EWSR1: variants seen among roughly 807,000 people sequenced by gnomAD.
The protein encoded by EWSR1 is RNA-binding protein EWS.
EWSR1 carries 14 observed loss-of-function variants against 92.1 expected under a neutral mutation model. That is an observed-to-expected ratio of 0.15 (90% CI 0.10 to 0.24). EWSR1 has a LOEUF of 0.24. EWSR1 is among the 10% of genes least tolerant of loss of function. The pLI, the probability that EWSR1 is intolerant of heterozygous loss-of-function variation, is 1.00. For missense variants in EWSR1, 637 were observed against 870.9 expected (o/e 0.73, Z 3.38); for synonymous variants, 303 against 292.9 (o/e 1.03, Z -0.35).
intron 3 of EWSR1, among the ~76,000 whole-genome samples, chr22:29,273,196 A>C (rs2058821572): frequency 6.6e-6 from 1 of 152,242 alleles, no homozygotes; most frequent in African/African-American, 2.4e-5. Flanking sequence ...ATAAGAGGAC[A>C]TACAGCGTTC....
chr22:29,294,020 C>G (rs958336776), intron 11 of EWSR1, among the ~76,000 whole-genome samples: 6 of 151,812 alleles, frequency 4.0e-5, no homozygotes, highest in African/African-American at 1.5e-4. Flanking sequence ...AGGCGCCTGC[C>G]AGCACCCCTG....
chr22:29,299,626 G>A lies in EWSR1; in HGVS notation c.1706G>A (p.Gly569Asp). The A allele has an allele frequency of 6.2e-7, 1 of 1,606,724 alleles. No individual in the cohort carries two copies. Among genetic ancestry groups the A allele is most frequent in the African/African-American group, 1.3e-5 (1 of 74,868 alleles). Residue 569 changes from glycine (G) to aspartate (D), a missense_variant, in exon 16 of 17, where the codon GGT (glycine) becomes GAT (aspartate). Physicochemically the swap from Gly to Asp is moderately conservative, Grantham distance 94 (BLOSUM62 -1). This residue lies in a region of EWSR1 where 363 missense variants were observed against 447.8 expected (regional missense o/e 0.81). Coordinates refer to ENST00000397938, the MANE Select transcript of EWSR1 (RefSeq NM_005243.4). ...GGTGATCGTGGCAGAGGTGGCCCTG[G>A]TGGCATGCGGGGAGGAAGAGGTGGC... ...PGGDRGRGGP[G>D]GMRGGRGGLM...
chr22:29,280,073 G>GGGTT lies in EWSR1; in HGVS notation c.413+1878_413+1881dup, dbSNP rs550292686. Among the ~76,000 whole-genome samples, 132 of 152,158 alleles carry GGGTT rather than the reference G, an allele frequency of 8.7e-4. 1 individual carries two copies. The highest frequency in any genetic ancestry group is 6.0e-4 in the African/African-American group (25 of 41,496). On this transcript the variant is annotated intron_variant, in intron 5 of 16. Coordinates refer to ENST00000397938, the MANE Select transcript of EWSR1 (RefSeq NM_005243.4). ...ACTTCACACCCTCTCTGGTTTTTCTGGGTTGGTTGGTTGGTTGGTTGGTTT... is the reference window on the plus strand; with the variant it reads ...ACTTCACACCCTCTCTGGTTTTTCTGGGTTGGTTGGTTGGTTGGTTGGTTGGTTT...
chr22:29,275,055 A>G (rs533950201), intron 4 of EWSR1, among the ~76,000 whole-genome samples: 1 of 17,098 alleles, frequency 5.8e-5, no homozygotes, highest in Non-Finnish European at 1.0e-4. Flanking sequence ...TTTGATGGGA[A>G]GTAATTCCTA....
rs938887067 is a variant in EWSR1, at chr22:29,294,561, C to T, written c.1165-1678C>T. Among the ~76,000 whole-genome samples, 4 of 148,770 alleles carry T rather than the reference C, an allele frequency of 2.7e-5. No individual in the cohort carries two copies. The East Asian group carries it at 6.0e-4, about 22-fold the overall frequency. On this transcript the variant is annotated intron_variant, in intron 11 of 16. Transcript: ENST00000397938. ...CGGAGCTTGCAGTGAGCTGAGATGG[C>T]GCCACTGCATTCCAGCCTGGGTGAC...
chr22:29,292,718 T>C, intron 11 of EWSR1, 112 bp downstream of exon 11: 1 of 637,902 alleles, frequency 1.6e-6, no homozygotes, highest in Non-Finnish European at 2.8e-6. Flanking sequence ...GCCTGACTTC[T>C]TTCTAGGTAT....
At chr22:29,279,932 T>C (rs1161161177) in intron 5 of EWSR1, among the ~76,000 whole-genome samples, 2 of 152,220 alleles carry the variant, frequency 1.3e-5, no homozygotes, top group Non-Finnish European at 1.5e-5. Flanking sequence ...AGTCATCCTT[T>C]TTTTTTCTTT....
intron 4 of EWSR1, chr22:29,277,392 C>T (rs2059204923): frequency 4.5e-6 from 1 of 221,854 alleles, no homozygotes; most frequent in African/African-American, 2.2e-5. Context: ...AAATAATTTA[C>T]AAAAAAAGGA....
At chr22:29,274,358 T>A (rs2058937391) in intron 4 of EWSR1, 1 of 1,539,650 alleles carries the variant, frequency 6.5e-7, no homozygotes, top group Admixed American at 1.7e-5. Context: ...ATCCTTTAGG[T>A]GTTTTCATTT....
chr22:29,272,997 A>T (rs2058806387), intron 3 of EWSR1, among the ~76,000 whole-genome samples: 1 of 152,238 alleles, frequency 6.6e-6, no homozygotes, highest in Non-Finnish European at 1.5e-5. Flanking sequence ...AATGGATACT[A>T]ATAACTGCCA....
At position 29,298,731 on chromosome 22, in the gene EWSR1, A is replaced by G. The variant is rs777995069; in HGVS notation, c.1418-2A>G. On this transcript the variant is annotated splice_acceptor_variant, in intron 13 of 16. Coordinates refer to ENST00000397938, the MANE Select transcript of EWSR1 (RefSeq NM_005243.4). LOFTEE classifies it high-confidence loss of function. ...TGCTGTTTCTTGTTGTTCTTGTTGT[A>G]GGTCCAGGAGGCCCAGGAGGTCCTG... The G allele has an allele frequency of 9.9e-6, 16 of 1,613,044 alleles. No individual in the cohort carries two copies. The highest frequency in any genetic ancestry group is 1.3e-5 in the Non-Finnish European group (15 of 1,179,792).
At chr22:29,281,881 T>C (rs568265437) in intron 5 of EWSR1, among the ~76,000 whole-genome samples, 45 of 152,310 alleles carry the variant, frequency 3.0e-4, no homozygotes, top group Non-Finnish European at 4.7e-4. Context: ...CATTCTCGCC[T>C]GGCCTTGACC....
At position 29,273,735 on chromosome 22, in the gene EWSR1, G is replaced by A; in HGVS notation, c.103-6G>A. On this transcript the variant is annotated splice_polypyrimidine_tract_variant and splice_region_variant and intron_variant, in intron 3 of 16. Transcript: ENST00000397938. ...AAGTTCTTGCATTCGTTTTTTTTTG[G>A]AGCAGGCATATGGGCAACAAAGCTA... 2 of 1,599,274 alleles carry A rather than the reference G, an allele frequency of 1.3e-6. No homozygotes were observed. The highest frequency in any genetic ancestry group is 1.7e-6 in the Non-Finnish European group (2 of 1,175,792).
intron 4 of EWSR1, chr22:29,276,770 C>A (rs1231056003): frequency 2.6e-5 from 6 of 231,386 alleles, no homozygotes; most frequent in Non-Finnish European, 5.1e-5. Flanking sequence ...CCCACCTCAG[C>A]CTCCCAAGTA....
chr22:29,269,679 C>G (rs984698831), intron 1 of EWSR1: 1 of 152,080 alleles, frequency 6.6e-6, no homozygotes, highest in African/African-American at 2.4e-5. Context: ...GTTGGCTGTT[C>G]GTGCCGGGAT....
In EWSR1 at chr22:29,296,322, C is replaced by G. The variant is rs778774026; in HGVS notation, c.1248C>G (p.Ser416=). 6.2e-7 allele frequency: 1 copy of G among 1,614,098 alleles called. No individual in the cohort carries two copies. The highest frequency in any genetic ancestry group is 1.3e-5 in the African/African-American group (1 of 74,940). ...AGCCCAAAGGCGATGCCACAGTGTCCTATGAAGACCCACCCACTGCCAAGG... is the reference window on the plus strand; with the variant it reads ...AGCCCAAAGGCGATGCCACAGTGTCGTATGAAGACCCACCCACTGCCAAGG... ...TGKPKGDATV[S]YEDPPTAKAA... The change falls in exon 12 of 17, where the codon TCC becomes TCG. Residue 416 remains serine, a synonymous_variant. Transcript: ENST00000397938.
chr22:29,282,289 A>G, intron 5 of EWSR1, 101 bp from the exon 6 acceptor site: 1 of 883,190 alleles, frequency 1.1e-6, no homozygotes, highest in South Asian at 1.8e-5. Context: ...AACATTGCTT[A>G]TTGCTCGTAG....
At position 29,268,353 on chromosome 22, in the gene EWSR1, A is replaced by G. The variant is rs375313151; in HGVS notation, c.13+4A>G. The G allele has an allele frequency of 3.5e-5, 57 of 1,613,978 alleles. No individual in the cohort carries two copies. Among genetic ancestry groups the G allele is most frequent in the African/African-American group, 1.1e-4 (8 of 74,920 alleles). ...GGAGAGAAAATGGCGTCCACGGGTG[A>G]GTATGGTGGAACTGCGGTCGCGCCG... On this transcript the variant is annotated splice_donor_region_variant and intron_variant, in intron 1 of 16. Transcript: ENST00000397938.
intron 8 of EWSR1, 64 bp from the exon 9 acceptor site, chr22:29,291,498 C>A (rs1168766504): frequency 2.0e-6 from 3 of 1,536,182 alleles, no homozygotes; most frequent in Non-Finnish European, 1.8e-6. Context: ...CGAGCCCCCC[C>A]AAGGCTCAGA....
Sources: gnomAD v4.1 joint callset for allele counts (sites outside exome capture counted in the v4.1 genomes callset) on GRCh38, gnomAD v4.1.1 for gene constraint, gnomAD v4.1.1 regional missense constraint, MANE v1.5 for transcripts, NCBI Gene and HGNC (gene_info 2026-07-23, HGNC 2026-07-21) for gene names.